The following PHF24 variants were observed in gnomAD, a reference collection of about 807,000 sequenced individuals.
The protein encoded by PHF24 is Galpha inhibitory interacting protein.
In PHF24, 25 loss-of-function variants were observed where a neutral mutation model predicts 42.6. The ratio of observed to expected loss-of-function variants is 0.59; its 90% CI spans 0.43 to 0.82. PHF24 has a LOEUF of 0.82. Among genes scored for constraint, PHF24 ranks in the 40% least tolerant of loss-of-function variants. The pLI, the probability that PHF24 is intolerant of heterozygous loss-of-function variation, is 0.00. For missense variants in PHF24, 470 were observed against 538.1 expected (o/e 0.87, Z 1.25); for synonymous variants, 185 against 204.8 (o/e 0.90, Z 0.83).
the PHF24 span, chr9:34,665,805 C>T: frequency 1.3e-5 from 8 of 633,278 alleles, no homozygotes; most frequent in South Asian, 1.4e-4. Flanking sequence ...GCCTCAGTTG[C>T]CACCACGGGA....
At chr9:34,910,623 A>G in the PHF24 span, among the ~76,000 whole-genome samples, 6 of 152,226 alleles carry the variant, frequency 3.9e-5, no homozygotes, top group African/African-American at 1.4e-4. Context: ...TAAAATCTTT[A>G]TTAAACTGTT....
chr9:34,818,582 A>G, the PHF24 span, among the ~76,000 whole-genome samples: 974 of 152,156 alleles, frequency 6.4e-3, 8 homozygotes, highest in Middle Eastern at 0.037. Flanking sequence ...TGTTTGCTAA[A>G]TTTTTCTTAA....
At chr9:34,847,645 G>A in the PHF24 span, among the ~76,000 whole-genome samples, 3 of 151,778 alleles carry the variant, frequency 2.0e-5, no homozygotes, top group Non-Finnish European at 4.4e-5. Flanking sequence ...ATGTTGAATA[G>A]GAGTGGTGAG....
At chr9:34,777,708 C>T in the PHF24 span, among the ~76,000 whole-genome samples, 37 of 152,314 alleles carry the variant, frequency 2.4e-4, no homozygotes, top group South Asian at 7.3e-3. Flanking sequence ...GTAGCTGGTG[C>T]CTAATTCCTG....
At chr9:34,834,735 C>T in the PHF24 span, 1 of 1,540,194 alleles carries the variant, frequency 6.5e-7, no homozygotes, top group Non-Finnish European at 8.8e-7. Context: ...AGGTGCCACT[C>T]CAAGGCTTCA....
the PHF24 span, chr9:34,892,964 A>C: frequency 1.4e-6 from 1 of 691,464 alleles, no homozygotes; most frequent in Non-Finnish European, 2.6e-6. Flanking sequence ...CTTAAAAGAC[A>C]CACTAGATGT....
At chr9:34,791,867 A>G in the PHF24 span, among the ~76,000 whole-genome samples, 1 of 152,240 alleles carries the variant, frequency 6.6e-6, no homozygotes, top group East Asian at 1.9e-4. Flanking sequence ...GTAGGAATCA[A>G]TATCTTTGAG....
exon 6 of PHF24, chr9:34,977,179 T>G (rs767853616): frequency 1.9e-6 from 3 of 1,613,578 alleles, no homozygotes; most frequent in Admixed American, 3.3e-5. Flanking sequence ...TGAGGCAGAG[T>G]GCCGCCGGGC....
At chr9:34,931,915 G>A in the PHF24 span, among the ~76,000 whole-genome samples, 1 of 152,236 alleles carries the variant, frequency 6.6e-6, no homozygotes, top group Non-Finnish European at 1.5e-5. Flanking sequence ...CCTGTAGAAT[G>A]TGAAATTAAC....
chr9:34,872,970 T>C, the PHF24 span, among the ~76,000 whole-genome samples: 1 of 151,684 alleles, frequency 6.6e-6, no homozygotes, highest in African/African-American at 2.4e-5. Context: ...ATGAGCATTT[T>C]TTCATGTGTT....
chr9:34,715,588 G>A, the PHF24 span, among the ~76,000 whole-genome samples: 2 of 152,148 alleles, frequency 1.3e-5, no homozygotes, highest in African/African-American at 4.8e-5. Flanking sequence ...ATGTTGGCTT[G>A]GTGAGCTCCT....
chr9:34,927,888 G>T, the PHF24 span, among the ~76,000 whole-genome samples: 2 of 152,112 alleles, frequency 1.3e-5, no homozygotes, highest in African/African-American at 4.8e-5. Context: ...CACTATTGAA[G>T]GATTTTAAGC....
At chr9:34,870,345 T>G in the PHF24 span, among the ~76,000 whole-genome samples, 6 of 152,088 alleles carry the variant, frequency 3.9e-5, no homozygotes, top group Non-Finnish European at 8.8e-5. Context: ...TTGATAAGTG[T>G]GAATCGACCC....
At chr9:34,671,735 G>A in the PHF24 span, among the ~76,000 whole-genome samples, 5 of 152,242 alleles carry the variant, frequency 3.3e-5, no homozygotes, top group Admixed American at 1.3e-4. Context: ...CTATTGTGGA[G>A]TGCTATTCTG....
At chr9:34,738,505 C>T in the PHF24 span, among the ~76,000 whole-genome samples, 1 of 152,128 alleles carries the variant, frequency 6.6e-6, no homozygotes, top group Admixed American at 6.5e-5. Context: ...CACCTGCCAC[C>T]ATGCCCGGCT....
chr9:34,889,365 T>C, the PHF24 span: 1 of 398,626 alleles, frequency 2.5e-6, no homozygotes, highest in Non-Finnish European at 4.4e-6. Context: ...GCAGATTATT[T>C]AGGCACTGGG....
the PHF24 span, among the ~76,000 whole-genome samples, chr9:34,697,158 G>A: frequency 3.3e-5 from 5 of 152,218 alleles, no homozygotes; most frequent in African/African-American, 1.2e-4. Flanking sequence ...GGATTTGACA[G>A]TGGCCTGTGA....
At chr9:34,911,765 C>T in the PHF24 span, among the ~76,000 whole-genome samples, 1 of 151,654 alleles carries the variant, frequency 6.6e-6, no homozygotes, top group Non-Finnish European at 1.5e-5. Context: ...GCCTATCTCC[C>T]CCACTGATTG....
At chr9:34,927,500 A>G in the PHF24 span, among the ~76,000 whole-genome samples, 2 of 152,192 alleles carry the variant, frequency 1.3e-5, no homozygotes, top group Admixed American at 1.3e-4. Context: ...AGCTGCTTGC[A>G]TACCCAGCAG....
Sources: allele counts gnomAD v4.1 joint callset (sites outside exome capture counted in the v4.1 genomes callset), GRCh38; gene constraint gnomAD v4.1.1; transcripts MANE v1.5; gene names NCBI Gene and HGNC (gene_info 2026-07-23, HGNC 2026-07-21).